The following CSNK2A2IP variants were observed in gnomAD, a reference collection of about 807,000 sequenced individuals.
The protein encoded by CSNK2A2IP is casein kinase 2 subunit alpha' interacting protein, also known as casein kinase II subunit alpha'-interacting protein.
chr3:88,391,968 T>C, the CSNK2A2IP span, among the ~76,000 whole-genome samples: 1 of 152,158 alleles, frequency 6.6e-6, no homozygotes, highest in African/African-American at 2.4e-5. Context: ...TTGCAGAAGT[T>C]TGTTAAAGAA....
At chr3:88,340,284 GA>G in the CSNK2A2IP span, among the ~76,000 whole-genome samples, 1 of 151,880 alleles carries the variant, frequency 6.6e-6, no homozygotes, top group East Asian at 1.9e-4. Flanking sequence ...CACATCTAGA[GA>G]AAGGAAACCT....
At chr3:88,447,997 T>A in the CSNK2A2IP span, among the ~76,000 whole-genome samples, 1 of 152,194 alleles carries the variant, frequency 6.6e-6, no homozygotes, top group African/African-American at 2.4e-5. Context: ...ATAGAAGAAC[T>A]ATATTTGAAA....
the CSNK2A2IP span, among the ~76,000 whole-genome samples, chr3:88,351,110 C>G: frequency 6.6e-6 from 1 of 152,144 alleles, no homozygotes; most frequent in Non-Finnish European, 1.5e-5. Context: ...TGAGTTAATT[C>G]TCTAATATTA....
chr3:88,402,916 A>G, the CSNK2A2IP span, among the ~76,000 whole-genome samples: 1,787 of 152,184 alleles, frequency 0.012, 23 homozygotes, highest in South Asian at 0.014. Flanking sequence ...TGTTTATTAA[A>G]TCTGAGTGGT....
chr3:88,374,097 T>C, the CSNK2A2IP span, among the ~76,000 whole-genome samples: 1 of 151,630 alleles, frequency 6.6e-6, no homozygotes, highest in Non-Finnish European at 1.5e-5. Context: ...CACTTAGCTG[T>C]TGGATGGAGA....
chr3:88,346,341 T>C, the CSNK2A2IP span, among the ~76,000 whole-genome samples: 2 of 152,006 alleles, frequency 1.3e-5, no homozygotes, highest in Non-Finnish European at 2.9e-5. Context: ...TAAACAGATT[T>C]TCAATGTAAA....
the CSNK2A2IP span, among the ~76,000 whole-genome samples, chr3:88,428,540 A>T: frequency 6.6e-6 from 1 of 151,902 alleles, no homozygotes; most frequent in African/African-American, 2.4e-5. Flanking sequence ...TGCGGGAGGG[A>T]CTCAGTTGGA....
chr3:88,451,147 G>T, the CSNK2A2IP span, among the ~76,000 whole-genome samples: 7 of 152,000 alleles, frequency 4.6e-5, no homozygotes, highest in Non-Finnish European at 8.8e-5. Flanking sequence ...TTTATAGTGT[G>T]CAGTGTGATG....
At chr3:88,363,251 C>G in the CSNK2A2IP span, among the ~76,000 whole-genome samples, 1 of 152,034 alleles carries the variant, frequency 6.6e-6, no homozygotes, top group African/African-American at 2.4e-5. Context: ...CATATTTTTT[C>G]TCTGTGTATT....
the CSNK2A2IP span, among the ~76,000 whole-genome samples, chr3:88,346,165 G>C: frequency 6.6e-6 from 1 of 151,940 alleles, no homozygotes; most frequent in Non-Finnish European, 1.5e-5. Context: ...AAGAGGTGAG[G>C]AAGCTGCAGA....
the CSNK2A2IP span, among the ~76,000 whole-genome samples, chr3:88,458,331 A>G: frequency 6.6e-6 from 1 of 151,620 alleles, no homozygotes; most frequent in African/African-American, 2.4e-5. Flanking sequence ...TTGTGTTTTT[A>G]GTAGAGATGG....
the CSNK2A2IP span, among the ~76,000 whole-genome samples, chr3:88,436,959 GTCT>G: frequency 6.6e-6 from 1 of 152,206 alleles, no homozygotes; most frequent in East Asian, 1.9e-4. Flanking sequence ...GAGCAACATT[GTCT>G]TCTAGTCAAA....
At chr3:88,451,821 T>C in the CSNK2A2IP span, among the ~76,000 whole-genome samples, 17 of 152,078 alleles carry the variant, frequency 1.1e-4, no homozygotes, top group African/African-American at 4.1e-4. Context: ...TTGCTTCTTG[T>C]GGTCTGTTTA....
the CSNK2A2IP span, among the ~76,000 whole-genome samples, chr3:88,374,612 C>T: frequency 5.3e-5 from 8 of 151,538 alleles, no homozygotes; most frequent in African/African-American, 1.2e-4. Context: ...CATATCAAAA[C>T]GTACTTTTAT....
At chr3:88,381,394 G>T in the CSNK2A2IP span, among the ~76,000 whole-genome samples, 19 of 152,320 alleles carry the variant, frequency 1.2e-4, no homozygotes, top group African/African-American at 3.8e-4. Flanking sequence ...GGGCAATGAG[G>T]CTCCTGAAAT....
the CSNK2A2IP span, among the ~76,000 whole-genome samples, chr3:88,395,665 G>A: frequency 6.6e-6 from 1 of 152,004 alleles, no homozygotes; most frequent in Admixed American, 6.6e-5. Flanking sequence ...ATTGTAATTG[G>A]GATTGAACTG....
the CSNK2A2IP span, among the ~76,000 whole-genome samples, chr3:88,459,469 T>C: frequency 1.3e-5 from 2 of 152,094 alleles, no homozygotes; most frequent in Non-Finnish European, 2.9e-5. Context: ...AATTAGGGTT[T>C]TAATAATATA....
At chr3:88,442,130 T>A in the CSNK2A2IP span, among the ~76,000 whole-genome samples, 1 of 152,216 alleles carries the variant, frequency 6.6e-6, no homozygotes, top group Admixed American at 6.5e-5. Flanking sequence ...GTGTATATAA[T>A]TTCAATATAT....
the CSNK2A2IP span, among the ~76,000 whole-genome samples, chr3:88,341,201 C>A: frequency 4.6e-5 from 7 of 151,626 alleles, no homozygotes; most frequent in Non-Finnish European, 1.0e-4. Flanking sequence ...AAAAAATAAT[C>A]CAGATATATC....
Sources: allele counts gnomAD v4.1 joint callset (sites outside exome capture counted in the v4.1 genomes callset), GRCh38; gene constraint gnomAD v4.1.1; transcripts MANE v1.5; gene names NCBI Gene and HGNC (gene_info 2026-07-23, HGNC 2026-07-21).